LRRC53: variants seen among roughly 807,000 people sequenced by gnomAD.
LRRC53 encodes the protein leucine-rich repeat-containing protein 53.
Under a neutral mutation model 13.6 loss-of-function variants are expected in LRRC53, and 25 were observed. The observed-to-expected ratio is 1.83, with a 90% CI of 1.34 to 2.56. LRRC53 has a LOEUF of 2.56. Among genes scored for constraint, LRRC53 ranks in the 30% most tolerant of loss-of-function variants. LRRC53 has a pLI of 0.00. For missense variants in LRRC53, 527 were observed against 275.8 expected, an observed-to-expected ratio of 1.91 and a Z score of -6.45; for synonymous variants, 204 against 109.8, an observed-to-expected ratio of 1.86 and a Z score of -5.37.
At chr1:74,496,827 G>T (rs974913373) in intron 1 of LRRC53, among the ~76,000 whole-genome samples, 1 of 152,130 alleles carries the variant, frequency 6.6e-6, no homozygotes, top group African/African-American at 2.4e-5. Flanking sequence ...CTCCCACAGG[G>T]TATGAAATCC....
the LRRC53 span, among the ~76,000 whole-genome samples, chr1:74,532,037 G>A: frequency 1.3e-5 from 2 of 152,184 alleles, no homozygotes; most frequent in South Asian, 4.1e-4. Flanking sequence ...GTTGCCTGAA[G>A]TCTTTAATCA....
chr1:74,483,280 G>T lies in LRRC53; in HGVS notation c.70C>A (p.Gln24Lys), dbSNP rs1188721276. Residue 24 changes from glutamine to lysine, a missense_variant, in exon 2 of 5, where the codon CAG becomes AAG. Gln to Lys is a moderately conservative substitution (Grantham distance 53). Transcript: ENST00000294635. Reference sequence around the variant, plus strand: ...TTATTACCTACTATATAGGTTAGCTGGTGACAGAGGGTTACATCTTTGGTG... The same window carrying T: ...TTATTACCTACTATATAGGTTAGCTTGTGACAGAGGGTTACATCTTTGGTG... ...VCTKDVTLCH[Q>K]LTYIVAAPMT... The T allele has an allele frequency of 1.4e-6, 1 of 717,402 alleles. No individual in the cohort carries two copies. The highest frequency in any genetic ancestry group is 2.7e-5 in the East Asian group (1 of 37,270). The allele number at this position is 717,402 out of a possible 1,614,324, so 44.4% of individuals were successfully genotyped here.
intron 1 of LRRC53, among the ~76,000 whole-genome samples, chr1:74,494,926 A>C (rs1019583895): frequency 6.6e-6 from 1 of 152,212 alleles, no homozygotes; most frequent in Non-Finnish European, 1.5e-5. Flanking sequence ...GGAGAGCTAC[A>C]CAGAATAGGA....
At chr1:74,521,395 A>G in the LRRC53 span, among the ~76,000 whole-genome samples, 1 of 152,316 alleles carries the variant, frequency 6.6e-6, no homozygotes, top group Non-Finnish European at 1.5e-5. Flanking sequence ...AATACCTGGC[A>G]CATAGTTACT....
chr1:74,514,783 G>A (rs896736404), upstream of LRRC53, among the ~76,000 whole-genome samples: 1 of 152,092 alleles, frequency 6.6e-6, no homozygotes, highest in African/African-American at 2.4e-5. Context: ...GGTATTGTGG[G>A]TTGAATTGTA....
At chr1:74,513,232 C>T (rs946461788), upstream of LRRC53, among the ~76,000 whole-genome samples, 1 of 152,070 alleles carries the variant, frequency 6.6e-6, no homozygotes, top group East Asian at 1.9e-4. Context: ...TTTCCTAGTT[C>T]GTTTATTCAG....
At chr1:74,513,282 T>C (rs1022897122), upstream of LRRC53, among the ~76,000 whole-genome samples, 1 of 152,322 alleles carries the variant, frequency 6.6e-6, no homozygotes, top group Admixed American at 6.5e-5. Context: ...TGTGGAAATT[T>C]ACTGAGTCCC....
rs1667909171 is a variant in LRRC53 at position 74,471,096 on chromosome 1, T to G, written c.2526A>C (p.Gln842His). The G allele has an allele frequency of 2.5e-6, 1 of 400,648 alleles. No homozygotes were observed. The highest frequency in any genetic ancestry group is 1.3e-4 in the South Asian group (1 of 7,960). The allele number at this position is 400,648 out of a possible 1,614,324, so 24.8% of individuals were successfully genotyped here. ...TGTGCTCAGCATCAGTGGGTGTAGG[T>G]TGGGGCAATTTTGATGTGTTTCCAT... ...IPDGNTSKLPQPTPTDAEHRH... is the reference protein window; with the variant it reads ...IPDGNTSKLPHPTPTDAEHRH... The change falls in exon 5 of 5, where the codon CAA becomes CAC. Residue 842 changes from glutamine (Q) to histidine (H), a missense_variant. Transcript: ENST00000294635.
the LRRC53 span, among the ~76,000 whole-genome samples, chr1:74,529,644 T>C: frequency 6.6e-6 from 1 of 152,260 alleles, no homozygotes; most frequent in Non-Finnish European, 1.5e-5. Context: ...ATTTTGGAAA[T>C]ACACTAAAGT....
chr1:74,477,348 A>T (rs1668256518), intron 3 of LRRC53, among the ~76,000 whole-genome samples: 4 of 152,116 alleles, frequency 2.6e-5, no homozygotes, highest in Admixed American at 2.6e-4. Flanking sequence ...AATATATGTG[A>T]CATGTTTAAT....
chr1:74,510,015 G>A (rs1189912932), intron 1 of LRRC53, among the ~76,000 whole-genome samples: 2 of 152,032 alleles, frequency 1.3e-5, no homozygotes, highest in South Asian at 2.1e-4. Flanking sequence ...TCCAAGGTGT[G>A]AGCCTATGCG....
chr1:74,470,624 T>C lies in LRRC53; in HGVS notation c.2998A>G (p.Lys1000Glu). The change falls in exon 5 of 5, where the codon AAA becomes GAA. Residue 1000 changes from lysine to glutamate, a missense_variant. Transcript: ENST00000294635. ...EENDVEKKLS[K>E]TETYDSSLIP... Reference sequence around the variant, plus strand: ...AGAGAGGAATCATAAGTTTCTGTTTTTGAAAGTTTTTTTTCTACATCATTT... The same window carrying C: ...AGAGAGGAATCATAAGTTTCTGTTTCTGAAAGTTTTTTTTCTACATCATTT... 1 of 400,728 alleles carries C rather than the reference T, an allele frequency of 2.5e-6. No homozygotes were observed. Among genetic ancestry groups the C allele is most frequent in the South Asian group, 1.3e-4 (1 of 7,954 alleles). The allele number at this position is 400,728 out of a possible 1,614,324, so 24.8% of individuals were successfully genotyped here. A position where few individuals can be genotyped will look rare whatever the true frequency, so the allele number is the denominator to read the frequency against.
the LRRC53 span, among the ~76,000 whole-genome samples, chr1:74,521,443 C>A: frequency 2.0e-3 from 308 of 152,148 alleles, 1 homozygote; most frequent in African/African-American, 7.0e-3. Context: ...AATATGTATT[C>A]TAATGCAATA....
chr1:74,499,797 T>A (rs1375532238), intron 1 of LRRC53, among the ~76,000 whole-genome samples: 2 of 152,158 alleles, frequency 1.3e-5, no homozygotes, highest in East Asian at 1.9e-4. Context: ...CATTTTTGCA[T>A]TTATTTAGAT....
chr1:74,482,777 A>G (rs934318714), intron 2 of LRRC53, among the ~76,000 whole-genome samples: 1 of 152,230 alleles, frequency 6.6e-6, no homozygotes, highest in Non-Finnish European at 1.5e-5. Context: ...GTATCTTGTT[A>G]GCATTTCTAC....
intron 1 of LRRC53, among the ~76,000 whole-genome samples, chr1:74,485,216 A>G (rs1176602963): frequency 6.6e-6 from 1 of 152,226 alleles, no homozygotes; most frequent in African/African-American, 2.4e-5. Flanking sequence ...TTTAAGAAGG[A>G]TGTAGCTCTT....
intron 2 of LRRC53, among the ~76,000 whole-genome samples, 188 bp downstream of exon 2, chr1:74,483,074 T>C (rs1211688262): frequency 6.6e-6 from 1 of 152,202 alleles, no homozygotes; most frequent in Non-Finnish European, 1.5e-5. Context: ...CTTTAAATAG[T>C]TTTGATTGAG....
At chr1:74,531,714 C>T in the LRRC53 span, among the ~76,000 whole-genome samples, 1 of 152,136 alleles carries the variant, frequency 6.6e-6, no homozygotes, top group Non-Finnish European at 1.5e-5. Flanking sequence ...GGGCAAATAA[C>T]TGAAATTCTG....
chr1:74,514,799 C>CA (rs1224831645), upstream of LRRC53, among the ~76,000 whole-genome samples: 1 of 152,020 alleles, frequency 6.6e-6, no homozygotes, highest in African/African-American at 2.4e-5. Context: ...TTGTATCCCC[C>CA]AAAAAGATAT....
Sources: gnomAD v4.1 joint callset for allele counts (sites outside exome capture counted in the v4.1 genomes callset) on GRCh38, gnomAD v4.1.1 for gene constraint, MANE v1.5 for transcripts, NCBI Gene and HGNC (gene_info 2026-07-23, HGNC 2026-07-21) for gene names.